BNIP3: variants seen among roughly 807,000 people sequenced by gnomAD.
BNIP3 encodes the protein BCL2/adenovirus E1B 19 kDa protein-interacting protein 3.
BNIP3 carries 16 observed loss-of-function variants against 23.9 expected under a neutral mutation model. The observed-to-expected ratio is 0.67, with a 90% confidence interval of 0.45 to 1.01. The LOEUF (loss-of-function observed/expected upper bound fraction) is 1.01, where lower values mean the gene tolerates loss of function less well. Ranked by LOEUF, BNIP3 falls within the 50% of genes least tolerant of loss-of-function variation. The pLI, the probability that BNIP3 is intolerant of heterozygous loss-of-function variation, is 0.00. For missense variants in BNIP3, 198 were observed against 248.7 expected, an observed-to-expected ratio of 0.80 and a Z score of 1.37; for synonymous variants, 81 against 89.3, an observed-to-expected ratio of 0.91 and a Z score of 0.53.
At position 131,970,826 on chromosome 10, in the gene BNIP3, G is replaced by A. The variant is rs749585719; in HGVS notation, c.389+38C>T. 1 of 1,614,242 alleles carries A rather than the reference G, an allele frequency of 6.2e-7. No homozygotes were observed. The highest frequency in any genetic ancestry group is 8.5e-7 in the Non-Finnish European group (1 of 1,180,050). ...AAACGTGTCAGCTGATGTGTCCTCT[G>A]TCAAGGGGTGCCCCCGTGACACTGA... On this transcript the variant is annotated intron_variant, in intron 4 of 5. Coordinates refer to ENST00000368636, the MANE Select transcript of BNIP3 (RefSeq NM_004052.4). This position sits in a 1 kb window ranked among gnomAD's most constrained non-coding sequence, Gnocchi z 4.1.
At chr10:131,973,754 TC>T in intron 2 of BNIP3, 38 bp downstream of exon 2, 1 of 1,606,436 alleles carries the variant, frequency 6.2e-7, no homozygotes, top group Non-Finnish European at 8.5e-7. Flanking sequence ...ACTGAAGACA[TC>T]GGCACTGTAA....
intron 3 of BNIP3, chr10:131,971,252 G>T (rs1487691253): frequency 4.5e-6 from 2 of 444,026 alleles, no homozygotes; most frequent in Admixed American, 7.4e-5. Flanking sequence ...TGAGATTCTG[G>T]GGGTACTGAC....
At position 131,976,705 on chromosome 10, in the gene BNIP3, TCCC is replaced by T. The variant is rs1461004885; in HGVS notation, c.47-2765_47-2763del. On this transcript the variant is annotated intron_variant, in intron 1 of 5. Coordinates refer to ENST00000368636, the MANE Select transcript of BNIP3 (RefSeq NM_004052.4). This position sits in a 1 kb window ranked among gnomAD's most constrained non-coding sequence, Gnocchi z 4.3. The stretch of plus-strand genomic sequence containing the variant: ...AACCATGCTACCCGCACCTCATGGC[TCCC>T]CCATCTCCATCTCCAGTCCCCTCCC... Among the ~76,000 whole-genome samples the T allele has an allele frequency of 6.6e-6, 1 of 151,404 alleles. No individual in the cohort carries two copies. Among genetic ancestry groups the T allele is most frequent in the Non-Finnish European group, 1.5e-5 (1 of 67,840 alleles).
rs1290348435 is a variant in BNIP3, at chr10:131,981,829, G to A, written c.-23C>T. Reference sequence around the variant, plus strand: ...CATGGCGCCAGAGGGCAACTGCGGCGATCGGAGTCCGCGCCGGGCTGCGGG... The same window carrying A: ...CATGGCGCCAGAGGGCAACTGCGGCAATCGGAGTCCGCGCCGGGCTGCGGG... On this transcript the variant is annotated 5_prime_UTR_variant, in exon 1 of 6. Transcript: ENST00000368636. 5.5e-6 allele frequency: 8 copies of A among 1,446,538 alleles called. No individual in the cohort carries two copies. Among genetic ancestry groups the A allele is most frequent in the Admixed American group, 2.8e-5 (1 of 35,400 alleles). The allele number at this position is 1,446,538 out of a possible 1,614,324, so 89.6% of individuals were successfully genotyped here. A position where few individuals can be genotyped will look rare whatever the true frequency, so the allele number is the denominator to read the frequency against.
chr10:131,978,000 G>A (rs573619384), intron 1 of BNIP3, among the ~76,000 whole-genome samples: 2 of 152,244 alleles, frequency 1.3e-5, no homozygotes, highest in South Asian at 4.2e-4. Flanking sequence ...AAGAAAGATG[G>A]GCTTACAGTA....
At chr10:131,978,285 T>C (rs1256122824) in intron 1 of BNIP3, among the ~76,000 whole-genome samples, 1 of 151,884 alleles carries the variant, frequency 6.6e-6, no homozygotes, top group Admixed American at 6.6e-5. Flanking sequence ...TATAAATATT[T>C]ATATCACAGT....
intron 2 of BNIP3, 192 bp from the exon 3 acceptor site, chr10:131,973,310 G>T (rs536769234): frequency 3.5e-6 from 2 of 577,342 alleles, no homozygotes; most frequent in Non-Finnish European, 6.1e-6. Context: ...AGCACGACAG[G>T]AGTGAGCTAG....
chr10:131,973,900 G>GC lies in BNIP3; in HGVS notation c.89dup (p.Ser31GlnfsTer10). The GC allele has an allele frequency of 6.2e-7, 1 of 1,613,606 alleles. No individual in the cohort carries two copies. ...AAATAGAAACCGAGGCTGGAACGCT[G>GC]CCCCCGTTCCCATTATTGCTGAAGT... On this transcript the variant is annotated frameshift_variant, in exon 2 of 6. Transcript: ENST00000368636. LOFTEE classifies it high-confidence loss of function.
In BNIP3 at chr10:131,970,469, C is replaced by T; in HGVS notation, c.539+169G>A. The T allele has an allele frequency of 1.0e-6, 1 of 1,001,178 alleles. No homozygotes were observed. Among genetic ancestry groups the T allele is most frequent in the Non-Finnish European group, 1.4e-6 (1 of 702,458 alleles). 62.0% of individuals were successfully genotyped at this position (1,001,178 alleles called of 1,614,324 possible). A position where few individuals can be genotyped will look rare whatever the true frequency, so the allele number is the denominator to read the frequency against. On this transcript the variant is annotated intron_variant, in intron 5 of 5. Transcript: ENST00000368636. The surrounding 1 kb of genome is among the most constrained non-coding windows in gnomAD (Gnocchi z 4.1). ...CCTGTGCTGGGGCCTTTGGGGGCTG[C>T]AGGCTGGTGGTTTCTGGACCTGAAC...
intron 5 of BNIP3, 22 bp from the exon 6 acceptor site, chr10:131,968,591 A>C: frequency 6.4e-7 from 1 of 1,572,790 alleles, no homozygotes; most frequent in Non-Finnish European, 8.7e-7. Flanking sequence ...AATTATCAGT[A>C]GTTAATGTAT....
intron 3 of BNIP3, 153 bp from the exon 4 acceptor site, chr10:131,971,123 G>A (rs751253203): frequency 3.7e-5 from 26 of 700,432 alleles, no homozygotes; most frequent in Non-Finnish European, 5.5e-5. Context: ...GGGAGTCCTG[G>A]GGCTGGGGGC....
intron 5 of BNIP3, chr10:131,969,495 G>A (rs1170620348): frequency 6.6e-6 from 1 of 152,280 alleles, no homozygotes; most frequent in African/African-American, 2.4e-5. Context: ...CGGGTTATGG[G>A]GGGGACGTGA....
At chr10:131,971,206 A>G in intron 3 of BNIP3, 1 of 535,162 alleles carries the variant, frequency 1.9e-6, no homozygotes, top group Non-Finnish European at 3.4e-6. Flanking sequence ...CCTCTGGGGG[A>G]GCCCCACTCA....
chr10:131,971,579 T>C (rs931878402), intron 3 of BNIP3: 1 of 152,678 alleles, frequency 6.5e-6, no homozygotes, highest in Non-Finnish European at 1.5e-5. Flanking sequence ...CAAAATTCTG[T>C]ACCTGAACAT....
intron 2 of BNIP3, chr10:131,973,337 G>A (rs553587521): frequency 9.3e-5 from 50 of 537,976 alleles, no homozygotes; most frequent in Admixed American, 3.2e-4. Context: ...TTCCAGAGAA[G>A]ACGCAGGGGC....
chr10:131,971,141 G>T, intron 3 of BNIP3, 171 bp from the exon 4 acceptor site: 1 of 632,920 alleles, frequency 1.6e-6, no homozygotes, highest in Non-Finnish European at 2.7e-6. Context: ...GGCCTTCCCC[G>T]GGCCGCGCCG....
In BNIP3 at chr10:131,971,000, CAGTGT is replaced by C; in HGVS notation, c.283-35_283-31del. The C allele has an allele frequency of 6.3e-7, 1 of 1,595,474 alleles. No homozygotes were observed. Among genetic ancestry groups the C allele is most frequent in the South Asian group, 1.1e-5 (1 of 90,664 alleles). Reference sequence around the variant, plus strand: ...GATAAAGTCAATGTTAAAGGCAGATCAGTGTACCACACGTGACACGGGAAAGCACC... The same window carrying C: ...GATAAAGTCAATGTTAAAGGCAGATCACCACACGTGACACGGGAAAGCACC... On this transcript the variant is annotated intron_variant, in intron 3 of 5. Coordinates refer to ENST00000368636, the MANE Select transcript of BNIP3 (RefSeq NM_004052.4). This position sits in a 1 kb window ranked among gnomAD's most constrained non-coding sequence, Gnocchi z 4.1.
chr10:131,979,166 G>A (rs567076549), intron 1 of BNIP3, among the ~76,000 whole-genome samples: 9 of 152,306 alleles, frequency 5.9e-5, no homozygotes, highest in Non-Finnish European at 7.4e-5. Context: ...CTCCTTAAGT[G>A]TTGTTGCCAG....
chr10:131,972,883 G>A, intron 3 of BNIP3, 151 bp downstream of exon 3: 1 of 724,308 alleles, frequency 1.4e-6, no homozygotes, highest in Non-Finnish European at 2.2e-6. Context: ...CAGTTTCTTG[G>A]TTTTTTTGTT....
Sources: allele counts gnomAD v4.1 joint callset (sites outside exome capture counted in the v4.1 genomes callset), GRCh38; gene constraint gnomAD v4.1.1; non-coding constraint Gnocchi (gnomAD v3.1); transcripts MANE v1.5; gene names NCBI Gene and HGNC (gene_info 2026-07-23, HGNC 2026-07-21).